Variants in HAO2 observed in about 807,000 individuals in gnomAD.
The protein encoded by HAO2 is 2-Hydroxyacid oxidase 2.
HAO2 carries 42 observed loss-of-function variants against 37.4 expected under a neutral mutation model. That is an observed-to-expected ratio of 1.12 (90% CI 0.88 to 1.45). The LOEUF (loss-of-function observed/expected upper bound fraction) is 1.45, where lower values mean the gene tolerates loss of function less well. Ranked by LOEUF, HAO2 falls within the 40% of genes most tolerant of loss-of-function variation. The probability of loss-of-function intolerance (pLI) is 0.00; values close to 1 mark genes in which losing one functional copy is unlikely to be tolerated. For synonymous variants in HAO2, 180 were observed against 162.8 expected (o/e 1.11, Z -0.81); for missense variants, 476 against 430.2 (o/e 1.11, Z -0.94).
chr1:119,369,891 T>A (rs1648838732), intron 1 of HAO2, among the ~76,000 whole-genome samples: 1 of 152,046 alleles, frequency 6.6e-6, no homozygotes, highest in Non-Finnish European at 1.5e-5. Flanking sequence ...TCCCCCCCCA[T>A]ATCTCTAGTG....
intron 1 of HAO2, among the ~76,000 whole-genome samples, chr1:119,371,434 A>G (rs1648999324): frequency 6.6e-6 from 1 of 152,222 alleles, no homozygotes; most frequent in Non-Finnish European, 1.5e-5. Flanking sequence ...TGAATAATTA[A>G]GATTTTTTTT....
intron 5 of HAO2, 29 bp from the exon 6 acceptor site, chr1:119,392,081 C>T (rs768758508): frequency 6.3e-7 from 1 of 1,586,974 alleles, no homozygotes; most frequent in Non-Finnish European, 8.6e-7. Context: ...AATAGAAAGC[C>T]CTCCAGCCCA....
At chr1:119,390,649 A>G (rs1000249025) in intron 5 of HAO2, among the ~76,000 whole-genome samples, 1 of 152,216 alleles carries the variant, frequency 6.6e-6, no homozygotes, top group Non-Finnish European at 1.5e-5. Context: ...GAAATAAAAT[A>G]GGGAGTGAAT....
At chr1:119,393,733 T>G in intron 7 of HAO2, 52 bp from the exon 8 acceptor site, 2 of 1,483,848 alleles carry the variant, frequency 1.3e-6, no homozygotes, top group Non-Finnish European at 1.9e-6. Context: ...CATGATGAGG[T>G]GAGTTGCTTG....
chr1:119,383,903 T>C lies in HAO2; in HGVS notation c.283+837T>C, dbSNP rs188679037. 1.1e-3 allele frequency among the ~76,000 whole-genome samples: 160 copies of C among 152,326 alleles called. 2 individuals are homozygous for C. Among genetic ancestry groups the C allele is most frequent in the African/African-American group, 3.8e-3 (158 of 41,588 alleles). On this transcript the variant is annotated intron_variant, in intron 3 of 7. Coordinates refer to ENST00000325945, the MANE Select transcript of HAO2 (RefSeq NM_016527.4). ...AGGTCTAGCTAGGTTGAGATATTAA[T>C]ATCCTATATGAATGTGACTAGTTTA...
chr1:119,382,120 G>A (rs1360466370), intron 2 of HAO2, among the ~76,000 whole-genome samples: 3 of 152,094 alleles, frequency 2.0e-5, no homozygotes, highest in Middle Eastern at 3.2e-3. Flanking sequence ...AGCACTATAC[G>A]AGGCACCTTA....
intron 1 of HAO2, among the ~76,000 whole-genome samples, chr1:119,377,990 T>A (rs912524126): frequency 6.6e-6 from 1 of 152,160 alleles, no homozygotes; most frequent in Non-Finnish European, 1.5e-5. Flanking sequence ...TTGCTTGAAC[T>A]GGGGAGACAG....
At chr1:119,383,432 G>A (rs1650123716) in intron 3 of HAO2, among the ~76,000 whole-genome samples, 1 of 152,190 alleles carries the variant, frequency 6.6e-6, no homozygotes, top group South Asian at 2.1e-4. Flanking sequence ...GATGGGCCAG[G>A]GCTAGGGCTG....
intron 1 of HAO2, among the ~76,000 whole-genome samples, chr1:119,369,827 G>A (rs1184930736): frequency 2.0e-5 from 3 of 152,092 alleles, no homozygotes; most frequent in Admixed American, 2.0e-4. Flanking sequence ...AGCTATGAAA[G>A]TCTGTCTTCT....
At chr1:119,375,860 G>A (rs1418484420) in intron 1 of HAO2, among the ~76,000 whole-genome samples, 2 of 152,040 alleles carry the variant, frequency 1.3e-5, no homozygotes, top group Non-Finnish European at 2.9e-5. Flanking sequence ...ACAGCATGGT[G>A]AAACCCGCTC....
intron 5 of HAO2, among the ~76,000 whole-genome samples, chr1:119,391,016 T>C (rs186542792): frequency 6.6e-5 from 10 of 152,308 alleles, no homozygotes; most frequent in African/African-American, 2.2e-4. Context: ...ATGCTGGGAC[T>C]ATAAAAAATG....
At chr1:119,392,925 T>G (rs1263703773) in intron 7 of HAO2, among the ~76,000 whole-genome samples, 1 of 152,120 alleles carries the variant, frequency 6.6e-6, no homozygotes, top group Non-Finnish European at 1.5e-5. Context: ...AATTCTTGCT[T>G]CTGTTGAATT....
intron 6 of HAO2, 25 bp downstream of exon 6, chr1:119,392,293 A>G (rs1293092297): frequency 1.9e-6 from 3 of 1,569,804 alleles, no homozygotes; most frequent in Non-Finnish European, 2.6e-6. Flanking sequence ...GCAAACCAGC[A>G]AGAAGATACA....
At chr1:119,392,477 A>T in intron 6 of HAO2, 141 bp from the exon 7 acceptor site, 1 of 744,132 alleles carries the variant, frequency 1.3e-6, no homozygotes, top group Non-Finnish European at 2.4e-6. Context: ...GCTTTCCTTT[A>T]TTCCCAAGGT....
chr1:119,381,034 G>A (rs776308021), intron 1 of HAO2, 44 bp from the exon 2 acceptor site: 2 of 1,571,196 alleles, frequency 1.3e-6, no homozygotes, highest in Non-Finnish European at 1.8e-6. Flanking sequence ...TGCATCTGAA[G>A]TGTTCTCACT....
chr1:119,393,774 T>C lies in HAO2; in HGVS notation c.1001-11T>C, dbSNP rs1313182858. 1.2e-6 allele frequency: 2 copies of C among 1,613,028 alleles called. No individual in the cohort carries two copies. Among genetic ancestry groups the C allele is most frequent in the Non-Finnish European group, 8.5e-7 (1 of 1,179,160 alleles). ...GACAAAAATGAGCTTGTAACCACAT[T>C]GTTCTTTTAGGCTGCCGGTCGGTCG... On this transcript the variant is annotated splice_polypyrimidine_tract_variant and intron_variant, in intron 7 of 7. Transcript: ENST00000325945.
At chr1:119,375,951 G>A (rs753955802) in intron 1 of HAO2, among the ~76,000 whole-genome samples, 1 of 152,128 alleles carries the variant, frequency 6.6e-6, no homozygotes, top group Non-Finnish European at 1.5e-5. Flanking sequence ...GATGAGGTTT[G>A]GTTGGGGACA....
At chr1:119,380,687 A>G in intron 1 of HAO2, 1 of 1,599,540 alleles carries the variant, frequency 6.3e-7, no homozygotes, top group South Asian at 1.1e-5. Context: ...AGATCCCAGG[A>G]AGCTGATGGA....
rs138723642 is a variant in HAO2, at chr1:119,383,008, C to T, written c.225C>T (p.Ile75=). The T allele has an allele frequency of 6.9e-5, 112 of 1,612,538 alleles. No individual in the cohort carries two copies. Among genetic ancestry groups the T allele is most frequent in the South Asian group, 2.4e-4 (22 of 90,960 alleles). The change falls in exon 3 of 8, where the codon ATC becomes ATT. Residue 75 remains isoleucine (I), a synonymous_variant. Transcript: ENST00000325945. ...AGGAGATCAGTGCCCCTATTTGTAT[C>T]GCACCCACAGGGTTCCACTGCCTTG... ...QGEEISAPIC[I]APTGFHCLVW...
Sources: gnomAD v4.1 joint callset for allele counts (sites outside exome capture counted in the v4.1 genomes callset) on GRCh38, gnomAD v4.1.1 for gene constraint, MANE v1.5 for transcripts, NCBI Gene and HGNC (gene_info 2026-07-23, HGNC 2026-07-21) for gene names.